The following NCALD variants were observed in gnomAD, a reference collection of about 807,000 sequenced individuals.
NCALD encodes the protein neurocalcin-delta.
Under a neutral mutation model 18.6 loss-of-function variants are expected in NCALD, and 10 were observed. The ratio of observed to expected loss-of-function variants is 0.54; its 90% CI spans 0.33 to 0.91. NCALD has a LOEUF of 0.91. Among genes scored for constraint, NCALD ranks in the 40% least tolerant of loss-of-function variants. The pLI is 0.03. For synonymous variants in NCALD, 88 were observed against 87.4 expected, an observed-to-expected ratio of 1.01 and a Z score of -0.04; for missense variants, 184 against 247.6, an observed-to-expected ratio of 0.74 and a Z score of 1.72.
intron 4 of NCALD, among the ~76,000 whole-genome samples, chr8:101,869,144 T>C (rs1815899767): frequency 6.6e-6 from 1 of 152,214 alleles, no homozygotes; most frequent in South Asian, 2.1e-4. Flanking sequence ...CACATCCTAG[T>C]TCCCAGGGCC....
intron 4 of NCALD, among the ~76,000 whole-genome samples, chr8:101,812,621 C>T (rs185847339): frequency 6.6e-5 from 10 of 152,258 alleles, no homozygotes; most frequent in Admixed American, 6.5e-4. Flanking sequence ...TTACCCTCAT[C>T]AGAGGAAAAG....
At chr8:101,871,586 T>TC (rs796344060) in intron 4 of NCALD, among the ~76,000 whole-genome samples, 11 of 149,056 alleles carry the variant, frequency 7.4e-5, no homozygotes, top group African/African-American at 2.7e-4. Context: ...AGATTTTCTT[T>TC]TTTTTTTTTT....
chr8:101,714,821 C>T (rs1815988092), intron 2 of NCALD, among the ~76,000 whole-genome samples: 1 of 149,812 alleles, frequency 6.7e-6, no homozygotes, highest in Non-Finnish European at 1.5e-5. Flanking sequence ...AAGGTGAAAC[C>T]CCATCTCTAC....
intron 4 of NCALD, among the ~76,000 whole-genome samples, chr8:101,879,391 G>C (rs994080051): frequency 1.3e-5 from 2 of 152,156 alleles, no homozygotes; most frequent in East Asian, 3.8e-4. Context: ...AGCTCTTAAG[G>C]CCGCCAGTCT....
intron 3 of NCALD, among the ~76,000 whole-genome samples, chr8:101,911,270 T>C (rs1298054041): frequency 6.8e-6 from 1 of 147,440 alleles, no homozygotes; most frequent in African/African-American, 2.5e-5. Flanking sequence ...TGTAGAGACT[T>C]GAAAAAAAAA....
intron 1 of NCALD, among the ~76,000 whole-genome samples, chr8:101,742,230 GA>G (rs5893581): frequency 0.63 from 91,884 of 145,316 alleles, 30,571 homozygotes; most frequent in Non-Finnish European, 0.75. Flanking sequence ...CTGTCTCAAA[GA>G]AAAAAAAAAA....
At chr8:101,748,513 T>C (rs1810519679) in intron 1 of NCALD, among the ~76,000 whole-genome samples, 1 of 152,114 alleles carries the variant, frequency 6.6e-6, no homozygotes, top group African/African-American at 2.4e-5. Flanking sequence ...TATGAGGCCT[T>C]TCTCCATCTG....
intron 1 of NCALD, among the ~76,000 whole-genome samples, chr8:102,113,401 T>C (rs1032382144): frequency 2.0e-5 from 3 of 152,092 alleles, no homozygotes; most frequent in Admixed American, 1.3e-4. Context: ...GGTAACAAAG[T>C]GTAAAAGTAG....
At position 102,060,827 on chromosome 8, in the gene NCALD, T is replaced by G. The variant is rs1050507832; in HGVS notation, c.-209-40538A>C. On this transcript the variant is annotated intron_variant, in intron 1 of 6. Transcript: ENST00000311028. ...AAGTAAAACATTGTTTCTAGGCAAG[T>G]GGGAAGGCAGCTAAAAGAATGAGGA... Among the ~76,000 whole-genome samples the G allele has an allele frequency of 2.0e-5, 3 of 152,200 alleles. No individual in the cohort carries two copies. The East Asian group carries it at 5.8e-4, about 29-fold the overall frequency.
chr8:101,969,109 C>A (rs547168234), intron 2 of NCALD, among the ~76,000 whole-genome samples: 1 of 152,182 alleles, frequency 6.6e-6, no homozygotes, highest in African/African-American at 2.4e-5. Context: ...CAGGGCTGAG[C>A]CGAGCACACC....
At chr8:101,947,505 T>C (rs1036527416) in intron 2 of NCALD, among the ~76,000 whole-genome samples, 1 of 152,140 alleles carries the variant, frequency 6.6e-6, no homozygotes, top group Non-Finnish European at 1.5e-5. Flanking sequence ...TTAAAAAAAT[T>C]ATTAAAGAGA....
chr8:101,888,475 T>G (rs2131494207), intron 3 of NCALD, among the ~76,000 whole-genome samples: 1 of 152,242 alleles, frequency 6.6e-6, no homozygotes, highest in East Asian at 1.9e-4. Context: ...GGGAGTGCAG[T>G]AGAGCAATAA....
At chr8:101,748,702 G>T (rs1183018668) in intron 1 of NCALD, among the ~76,000 whole-genome samples, 1 of 152,190 alleles carries the variant, frequency 6.6e-6, no homozygotes, top group Non-Finnish European at 1.5e-5. Context: ...GAAGGATGAG[G>T]CACAGAGAGG....
chr8:101,711,685 A>G (rs1433296639), intron 2 of NCALD, among the ~76,000 whole-genome samples: 1 of 151,966 alleles, frequency 6.6e-6, no homozygotes, highest in Non-Finnish European at 1.5e-5. Context: ...TTAAGGGTCA[A>G]CTTAATGAAA....
chr8:101,994,674 T>C (rs1434268033), intron 2 of NCALD, among the ~76,000 whole-genome samples: 1 of 152,240 alleles, frequency 6.6e-6, no homozygotes, highest in Non-Finnish European at 1.5e-5. Flanking sequence ...ATCCTGCCTC[T>C]ACTACATGGT....
Position 101,716,304 on chromosome 8 carries a change from C to A in NCALD, c.378+2948G>T, listed in dbSNP as rs1206022960. Reference sequence around the variant, plus strand: ...TGGGCACAGGGAGGGAAGCAACACACACCGGGGCCTGTTGGGGGGTGGTGG... The same window carrying A: ...TGGGCACAGGGAGGGAAGCAACACAAACCGGGGCCTGTTGGGGGGTGGTGG... On this transcript the variant is annotated intron_variant, in intron 2 of 3. Transcript: ENST00000220931. Among the ~76,000 whole-genome samples, 4 of 151,870 alleles carry A rather than the reference C, an allele frequency of 2.6e-5. No homozygotes were observed. In the East Asian group the frequency reaches 5.8e-4, roughly 22 times the overall value.
At chr8:101,697,291 A>T (rs1391799586) in intron 2 of NCALD, among the ~76,000 whole-genome samples, 1 of 152,218 alleles carries the variant, frequency 6.6e-6, no homozygotes, top group Admixed American at 6.5e-5. Context: ...TCTGAAATTG[A>T]GGCAGTAATT....
chr8:101,809,520 T>C (rs1348695419), intron 4 of NCALD, among the ~76,000 whole-genome samples: 1 of 152,180 alleles, frequency 6.6e-6, no homozygotes, highest in African/African-American at 2.4e-5. Context: ...AATGTTATAA[T>C]AGAATCTGTG....
chr8:101,891,934 G>A (rs917701933), intron 3 of NCALD, among the ~76,000 whole-genome samples: 2 of 152,212 alleles, frequency 1.3e-5, no homozygotes, highest in African/African-American at 4.8e-5. Flanking sequence ...CGAGGCTGGG[G>A]GAGGGGCGCC....
Sources: allele counts gnomAD v4.1 joint callset (sites outside exome capture counted in the v4.1 genomes callset), GRCh38; gene constraint gnomAD v4.1.1; transcripts MANE v1.5; gene names NCBI Gene and HGNC (gene_info 2026-07-23, HGNC 2026-07-21).